Variants in CREB5 observed in about 807,000 individuals in gnomAD.
CREB5 encodes cAMP responsive element binding protein 5, also known as cyclic AMP-responsive element-binding protein 5.
A neutral mutation model predicts 57.1 loss-of-function variants in CREB5; 19 were observed. That is an observed-to-expected ratio of 0.33 (90% confidence interval 0.23 to 0.49). The LOEUF (loss-of-function observed/expected upper bound fraction) is 0.49, where lower values mean the gene tolerates loss of function less well. CREB5 is among the 20% of genes least tolerant of loss of function. The pLI is 0.99. For missense variants in CREB5, 579 were observed against 671.6 expected (o/e 0.86, Z 1.52); for synonymous variants, 238 against 238.3 (o/e 1.00, Z 0.01).
At chr7:28,422,092 A>AG (rs1181910713) in intron 1 of CREB5, among the ~76,000 whole-genome samples, 2 of 152,056 alleles carry the variant, frequency 1.3e-5, no homozygotes, top group Non-Finnish European at 2.9e-5. Flanking sequence ...GACAGATCAC[A>AG]GGGGGAATGG....
intron 1 of CREB5, among the ~76,000 whole-genome samples, chr7:28,358,265 GC>G (rs1786385822): frequency 6.6e-6 from 1 of 152,204 alleles, no homozygotes; most frequent in Non-Finnish European, 1.5e-5. Context: ...AAGGAGAAGA[GC>G]TGCTAAGCTG....
At chr7:28,762,321 T>C (rs1475556375) in intron 7 of CREB5, among the ~76,000 whole-genome samples, 1 of 152,222 alleles carries the variant, frequency 6.6e-6, no homozygotes, top group Non-Finnish European at 1.5e-5. Flanking sequence ...GTCAGAATGA[T>C]GTGCTCACAT....
chr7:28,468,878 G>A (rs1488499561), intron 1 of CREB5, among the ~76,000 whole-genome samples: 1 of 152,202 alleles, frequency 6.6e-6, no homozygotes, highest in Non-Finnish European at 1.5e-5. Context: ...AAATTCAGTA[G>A]CATGTCCAAG....
chr7:28,761,512 A>G (rs1294309343), intron 7 of CREB5, among the ~76,000 whole-genome samples: 1 of 152,178 alleles, frequency 6.6e-6, no homozygotes, highest in Admixed American at 6.5e-5. Context: ...GAGCAGGAAC[A>G]TGGCATAAAT....
At chr7:28,658,981 G>GTGTGTGTATATATATATA (rs1799477666) in intron 5 of CREB5, among the ~76,000 whole-genome samples, 1 of 90,092 alleles carries the variant, frequency 1.1e-5, no homozygotes, top group African/African-American at 3.8e-5. Context: ...ATATATATAT[G>GTGTGTGTATATATATATA]TATATATAAG....
intron 1 of CREB5, among the ~76,000 whole-genome samples, chr7:28,440,271 T>C (rs1458698068): frequency 6.6e-6 from 1 of 152,188 alleles, no homozygotes; most frequent in East Asian, 1.9e-4. Context: ...ACCATCTGCT[T>C]AAGTTGTGTT....
intron 1 of CREB5, among the ~76,000 whole-genome samples, chr7:28,456,542 C>T (rs2128571978): frequency 6.6e-6 from 1 of 152,210 alleles, no homozygotes; most frequent in South Asian, 2.1e-4. Flanking sequence ...GGATTGCCTG[C>T]TAATGGGGGT....
At chr7:28,327,009 C>A (rs1006692472) in intron 1 of CREB5, among the ~76,000 whole-genome samples, 1 of 151,776 alleles carries the variant, frequency 6.6e-6, no homozygotes, top group Non-Finnish European at 1.5e-5. Flanking sequence ...ATTAGCCGGG[C>A]GTGGTGGCAG....
intron 1 of CREB5, among the ~76,000 whole-genome samples, chr7:28,381,233 C>T (rs1786960260): frequency 6.6e-6 from 1 of 152,080 alleles, no homozygotes; most frequent in South Asian, 2.1e-4. Context: ...GAGTGAGATG[C>T]AATGTAACAG....
Position 28,823,683 on chromosome 7 carries a change from C to G in CREB5, c.*4404C>G, listed in dbSNP as rs1186044585. 6.6e-6 allele frequency: 1 copy of G among 152,216 alleles called. No homozygotes were observed. The highest frequency in any genetic ancestry group is 1.5e-5 in the Non-Finnish European group (1 of 68,032). 9.4% of individuals were successfully genotyped at this position (152,216 alleles called of 1,614,324 possible). A position where few individuals can be genotyped will look rare whatever the true frequency, so the allele number is the denominator to read the frequency against. ...GAATCAGTAACTCTAACTGGAACAGCTTTCTTGTAGAAGTGTAAAAACAGC... is the reference window on the plus strand; with the variant it reads ...GAATCAGTAACTCTAACTGGAACAGGTTTCTTGTAGAAGTGTAAAAACAGC... On this transcript the variant is annotated 3_prime_UTR_variant, in exon 11 of 11. Transcript: ENST00000357727.
At chr7:28,531,035 G>T (rs1020732532) in intron 4 of CREB5, among the ~76,000 whole-genome samples, 1 of 152,132 alleles carries the variant, frequency 6.6e-6, no homozygotes, top group African/African-American at 2.4e-5. Flanking sequence ...GCTTTTTGAA[G>T]GTCAAATGTT....
chr7:28,530,653 A>T (rs1343183725), intron 4 of CREB5, among the ~76,000 whole-genome samples: 2 of 152,158 alleles, frequency 1.3e-5, no homozygotes, highest in Non-Finnish European at 1.5e-5. Flanking sequence ...GCTGAAGAAA[A>T]CTTTACCCTG....
At chr7:28,699,567 C>T (rs1343753954) in intron 5 of CREB5, among the ~76,000 whole-genome samples, 1 of 152,132 alleles carries the variant, frequency 6.6e-6, no homozygotes, top group Non-Finnish European at 1.5e-5. Flanking sequence ...GAAGATAGTG[C>T]ATAACAGTGA....
chr7:28,560,215 C>T (rs1795024272), intron 4 of CREB5, among the ~76,000 whole-genome samples: 1 of 152,052 alleles, frequency 6.6e-6, no homozygotes, highest in African/African-American at 2.4e-5. Flanking sequence ...TTTAGCTAGG[C>T]AGAGAGAAGG....
intron 5 of CREB5, among the ~76,000 whole-genome samples, chr7:28,650,348 T>C (rs1343581875): frequency 1.3e-5 from 2 of 152,222 alleles, no homozygotes; most frequent in East Asian, 3.9e-4. Flanking sequence ...GTGGCCCAGC[T>C]GATCTGCTTG....
chr7:28,804,561 CCTTCTT>C, intron 8 of CREB5, 39 bp downstream of exon 8: 1 of 1,599,860 alleles, frequency 6.3e-7, no homozygotes. Context: ...TTCTTATTCT[CCTTCTT>C]AACAGTGCAA....
At chr7:28,626,201 C>T (rs555811106) in intron 5 of CREB5, among the ~76,000 whole-genome samples, 1 of 152,122 alleles carries the variant, frequency 6.6e-6, no homozygotes, top group South Asian at 2.1e-4. Context: ...TAAAAGATTG[C>T]TTCTTGTCAA....
chr7:28,302,987 A>G (rs1330985557), intron 1 of CREB5, among the ~76,000 whole-genome samples: 2 of 152,144 alleles, frequency 1.3e-5, no homozygotes, highest in Non-Finnish European at 2.9e-5. Context: ...GAAAATTCAG[A>G]GCATAGGTCT....
intron 1 of CREB5, among the ~76,000 whole-genome samples, chr7:28,341,356 C>G (rs1021012721): frequency 6.6e-6 from 1 of 152,014 alleles, no homozygotes; most frequent in Non-Finnish European, 1.5e-5. Flanking sequence ...TGAGATAATT[C>G]TGGAACTAAA....
Sources: allele counts gnomAD v4.1 joint callset (sites outside exome capture counted in the v4.1 genomes callset), GRCh38; gene constraint gnomAD v4.1.1; transcripts MANE v1.5; gene names NCBI Gene and HGNC (gene_info 2026-07-23, HGNC 2026-07-21).